The following GLYATL2 variants were observed in gnomAD, a reference collection of about 807,000 sequenced individuals.
GLYATL2 encodes the protein glycine-N-acyltransferase like 2, also known as glycine N-acyltransferase-like protein 2.
Under a neutral mutation model 21.4 loss-of-function variants are expected in GLYATL2, and 25 were observed. The observed-to-expected ratio is 1.17, with a 90% CI of 0.85 to 1.63. The LOEUF (loss-of-function observed/expected upper bound fraction) is 1.63, where lower values mean the gene tolerates loss of function less well. Ranked by LOEUF, GLYATL2 falls within the 40% of genes most tolerant of loss-of-function variation. The probability of loss-of-function intolerance (pLI) is 0.00; values close to 1 mark genes in which losing one functional copy is unlikely to be tolerated. For missense variants in GLYATL2, 361 were observed against 343.3 expected (o/e 1.05, Z -0.41); for synonymous variants, 114 against 118.2 (o/e 0.96, Z 0.23).
Position 58,852,914 on chromosome 11 carries a change from C to A in GLYATL2, n.61-14546G>T, listed in dbSNP as rs189483009. On this transcript the variant is annotated intron_variant and non_coding_transcript_variant, in intron 1 of 4. Transcript: ENST00000533636. The stretch of plus-strand genomic sequence containing the variant: ...TAAGGTCTTTCCTCAATAATGAATT[C>A]TTTTTTGCCTAAGTCAGCCAGTGAA... Among the ~76,000 whole-genome samples the A allele has an allele frequency of 1.4e-3, 216 of 152,288 alleles. 1 individual carries two copies. The highest frequency in any genetic ancestry group is 4.9e-3 in the African/African-American group (204 of 41,570).
chr11:58,877,669 C>T (rs1321373809), intron 1 of GLYATL2, among the ~76,000 whole-genome samples: 3 of 152,102 alleles, frequency 2.0e-5, no homozygotes, highest in African/African-American at 7.2e-5. Flanking sequence ...AGATGAGAAG[C>T]AATAATTGAT....
At chr11:58,856,797 C>T (rs548408160) in intron 1 of GLYATL2, among the ~76,000 whole-genome samples, 3 of 152,250 alleles carry the variant, frequency 2.0e-5, no homozygotes, top group Admixed American at 2.0e-4. Context: ...TCACTGATCA[C>T]AGATCACCTT....
upstream of GLYATL2, among the ~76,000 whole-genome samples, chr11:58,848,175 A>T (rs550947576): frequency 1.7e-3 from 265 of 152,266 alleles, 1 homozygote; most frequent in African/African-American, 6.0e-3. Flanking sequence ...GAGACAGCTT[A>T]AATCATGATA....
At chr11:58,898,094 G>A (rs922094379) in intron 1 of GLYATL2, among the ~76,000 whole-genome samples, 2 of 151,986 alleles carry the variant, frequency 1.3e-5, no homozygotes, top group Admixed American at 6.6e-5. Flanking sequence ...TCAATCACTA[G>A]TATTTGTTTC....
intron 1 of GLYATL2, among the ~76,000 whole-genome samples, chr11:58,852,418 G>A (rs947212583): frequency 2.0e-4 from 31 of 152,182 alleles, no homozygotes; most frequent in Non-Finnish European, 1.2e-4. Flanking sequence ...CTGACTATAC[G>A]TTTTGAATAA....
At chr11:58,909,440 TGATA>T in the GLYATL2 span, among the ~76,000 whole-genome samples, 3 of 152,226 alleles carry the variant, frequency 2.0e-5, no homozygotes, top group African/African-American at 4.8e-5. Flanking sequence ...CTTTTGGAGG[TGATA>T]GATAGGTTGA....
upstream of GLYATL2, chr11:58,905,617 C>A (rs1433609225): frequency 2.2e-6 from 1 of 456,236 alleles, no homozygotes; most frequent in South Asian, 1.5e-5. Flanking sequence ...CAGGGGACGC[C>A]GATGAGCAGG....
At chr11:58,887,179 G>A (rs1854456902) in intron 1 of GLYATL2, among the ~76,000 whole-genome samples, 1 of 152,044 alleles carries the variant, frequency 6.6e-6, no homozygotes, top group Admixed American at 6.5e-5. Flanking sequence ...CTTTGAACAA[G>A]GCTAGTTTTT....
intron 1 of GLYATL2, among the ~76,000 whole-genome samples, chr11:58,884,329 G>A (rs960520498): frequency 6.6e-5 from 10 of 152,048 alleles, no homozygotes; most frequent in Admixed American, 4.6e-4. Context: ...TTGTCTCAGG[G>A]AAAAATCTTA....
At chr11:58,904,431 T>C (rs1237380914), upstream of GLYATL2, among the ~76,000 whole-genome samples, 1 of 152,234 alleles carries the variant, frequency 6.6e-6, no homozygotes, top group Admixed American at 6.5e-5. Flanking sequence ...AGCACTTTTT[T>C]CCAGGGAAAA....
intron 1 of GLYATL2, among the ~76,000 whole-genome samples, chr11:58,869,401 C>G (rs186338718): frequency 1.3e-3 from 194 of 152,236 alleles, no homozygotes; most frequent in African/African-American, 4.2e-3. Flanking sequence ...TCTTTGGAGT[C>G]TGGGGAGGTT....
chr11:58,847,963 C>G (rs1590720478), upstream of GLYATL2, among the ~76,000 whole-genome samples: 1 of 151,478 alleles, frequency 6.6e-6, no homozygotes, highest in Non-Finnish European at 1.5e-5. Flanking sequence ...TCACTCCACC[C>G]CCAATTTTAG....
At chr11:58,874,319 G>A (rs1854185612) in intron 1 of GLYATL2, among the ~76,000 whole-genome samples, 1 of 151,950 alleles carries the variant, frequency 6.6e-6, no homozygotes, top group Admixed American at 6.6e-5. Context: ...GTTATTTCTT[G>A]CCTTCTGCTA....
intron 1 of GLYATL2, among the ~76,000 whole-genome samples, chr11:58,889,787 G>A (rs1350503618): frequency 6.6e-6 from 1 of 152,024 alleles, no homozygotes; most frequent in Non-Finnish European, 1.5e-5. Flanking sequence ...GTATTCATAA[G>A]GGAATATGGG....
At chr11:58,852,578 G>A (rs1371218314) in intron 1 of GLYATL2, among the ~76,000 whole-genome samples, 4 of 152,158 alleles carry the variant, frequency 2.6e-5, no homozygotes, top group Admixed American at 1.3e-4. Flanking sequence ...GATAGAGATA[G>A]GGTAAATAGC....
At chr11:58,887,874 G>C (rs1225750446) in intron 1 of GLYATL2, among the ~76,000 whole-genome samples, 1 of 152,130 alleles carries the variant, frequency 6.6e-6, no homozygotes, top group East Asian at 1.9e-4. Context: ...ATATCTCCAA[G>C]TCAGAGTTTA....
At chr11:58,868,290 C>T (rs879861600) in intron 1 of GLYATL2, among the ~76,000 whole-genome samples, 2 of 148,802 alleles carry the variant, frequency 1.3e-5, no homozygotes, top group African/African-American at 2.4e-5. Flanking sequence ...GAATTTCTTC[C>T]TTAGTAAAGG....
intron 3 of GLYATL2, 117 bp from the exon 4 acceptor site, chr11:58,837,514 G>A (rs1853461116): frequency 2.0e-6 from 2 of 1,011,182 alleles, no homozygotes; most frequent in Admixed American, 2.4e-5. Flanking sequence ...TCTGAGACAG[G>A]TGTAGAAAAT....
At chr11:58,880,441 G>A (rs1253397073) in intron 1 of GLYATL2, among the ~76,000 whole-genome samples, 1 of 152,152 alleles carries the variant, frequency 6.6e-6, no homozygotes, top group Admixed American at 6.5e-5. Flanking sequence ...TCATGTATCA[G>A]CCAAGGCTAC....
Sources: allele counts gnomAD v4.1 joint callset (sites outside exome capture counted in the v4.1 genomes callset), GRCh38; gene constraint gnomAD v4.1.1; transcripts MANE v1.5; gene names NCBI Gene and HGNC (gene_info 2026-07-23, HGNC 2026-07-21).